PARD3B: variants seen among roughly 807,000 people sequenced by gnomAD.
PARD3B encodes partitioning defective 3 homolog B.
PARD3B carries 103 observed loss-of-function variants against 130.2 expected under a neutral mutation model. The ratio of observed to expected loss-of-function variants is 0.79; its 90% confidence interval spans 0.67 to 0.93. The LOEUF (loss-of-function observed/expected upper bound fraction) is 0.93, where lower values mean the gene tolerates loss of function less well. Among genes scored for constraint, PARD3B ranks in the 40% least tolerant of loss-of-function variants. The pLI is 0.00. For missense variants in PARD3B, 1,609 were observed against 1,499.2 expected, an observed-to-expected ratio of 1.07 and a Z score of -1.21; for synonymous variants, 583 against 553.2, an observed-to-expected ratio of 1.05 and a Z score of -0.76.
rs181476960 is a variant in PARD3B at position 205,598,975 on chromosome 2, A to C, written c.3261-16481A>C. On this transcript the variant is annotated intron_variant, in intron 22 of 22. Transcript: ENST00000406610. ...GAGATAAAGCTAAAGCAGTGTTAAGAGGAAAGTTTGTAGCACTAAATGCCT... is the reference window on the plus strand; with the variant it reads ...GAGATAAAGCTAAAGCAGTGTTAAGCGGAAAGTTTGTAGCACTAAATGCCT... Among the ~76,000 whole-genome samples, 446 of 152,352 alleles carry C rather than the reference A, an allele frequency of 2.9e-3. 2 individuals carry two copies. Among genetic ancestry groups the C allele is most frequent in the Non-Finnish European group, 4.8e-3 (327 of 68,030 alleles).
At chr2:204,999,117 T>G (rs955127397) in intron 3 of PARD3B, among the ~76,000 whole-genome samples, 4 of 151,966 alleles carry the variant, frequency 2.6e-5, no homozygotes, top group Non-Finnish European at 4.4e-5. Flanking sequence ...TTTTTTTTTT[T>G]GCCAATATTT....
intron 2 of PARD3B, among the ~76,000 whole-genome samples, chr2:204,957,378 T>G (rs1187970420): frequency 6.6e-6 from 1 of 152,192 alleles, no homozygotes; most frequent in Non-Finnish European, 1.5e-5. Flanking sequence ...GGGTTTTCAG[T>G]ACAGTTGAAT....
At chr2:205,052,069 C>A (rs1357447638) in intron 4 of PARD3B, among the ~76,000 whole-genome samples, 1 of 151,962 alleles carries the variant, frequency 6.6e-6, no homozygotes, top group Non-Finnish European at 1.5e-5. Context: ...TTGATTGTAA[C>A]CTGGTGTTCT....
Position 205,341,327 on chromosome 2 carries a change from T to C in PARD3B, c.2630+39626T>C, listed in dbSNP as rs902810588. On this transcript the variant is annotated intron_variant, in intron 18 of 22. Coordinates refer to ENST00000406610, the MANE Select transcript of PARD3B (RefSeq NM_001302769.2). This position sits in a 1 kb window ranked among gnomAD's most constrained non-coding sequence, Gnocchi z 4.3. ...GCATCACTGTTCACAATAGCTAAGATATGGAATCAACCAAAATGTCCATTA... is the reference window on the plus strand; with the variant it reads ...GCATCACTGTTCACAATAGCTAAGACATGGAATCAACCAAAATGTCCATTA... Among the ~76,000 whole-genome samples, 1 of 152,042 alleles carries C rather than the reference T, an allele frequency of 6.6e-6. No individual in the cohort carries two copies. Among genetic ancestry groups the C allele is most frequent in the African/African-American group, 2.4e-5 (1 of 41,418 alleles).
At chr2:204,901,166 CT>C (rs1553552056) in intron 2 of PARD3B, among the ~76,000 whole-genome samples, 8 of 152,118 alleles carry the variant, frequency 5.3e-5, no homozygotes, top group Non-Finnish European at 1.0e-4. Flanking sequence ...GCCAGCCAGG[CT>C]TGTGTCCTTC....
At chr2:205,174,244 G>A (rs2035340754) in intron 12 of PARD3B, among the ~76,000 whole-genome samples, 1 of 152,092 alleles carries the variant, frequency 6.6e-6, no homozygotes, top group Admixed American at 6.6e-5. Context: ...TTTGTTGCCC[G>A]CCATCAGAAG....
chr2:204,582,406 G>C (rs1234865104), intron 1 of PARD3B, among the ~76,000 whole-genome samples: 1 of 152,280 alleles, frequency 6.6e-6, no homozygotes, highest in Middle Eastern at 3.4e-3. Flanking sequence ...CTTAAGGAAA[G>C]ATAAAAGTTT....
chr2:204,645,755 A>G (rs1373277899), intron 1 of PARD3B, among the ~76,000 whole-genome samples: 1 of 152,188 alleles, frequency 6.6e-6, no homozygotes, highest in Non-Finnish European at 1.5e-5. Context: ...CACTAGAGCC[A>G]AATGCATCTC....
chr2:204,651,382 A>G lies in PARD3B; in HGVS notation c.121-34799A>G, dbSNP rs535304372. ...GGGCTGTTGGCCCCATGCAAGTCCA[A>G]AACCCAGCAGGGCACTCATTATATC... On this transcript the variant is annotated intron_variant, in intron 1 of 22. Transcript: ENST00000406610. 2.0e-5 allele frequency among the ~76,000 whole-genome samples: 3 copies of G among 152,356 alleles called. 1 individual carries two copies. The highest frequency in any genetic ancestry group is 1.9e-4 in the East Asian group (1 of 5,176).
At chr2:204,662,936 C>T (rs140195274) in intron 1 of PARD3B, among the ~76,000 whole-genome samples, 1 of 152,260 alleles carries the variant, frequency 6.6e-6, no homozygotes, top group Non-Finnish European at 1.5e-5. Context: ...TGTTCTATTA[C>T]ATATTTTCCA....
At chr2:204,998,460 T>TATATATGTATATATATGTGTATATA (rs746493283) in intron 3 of PARD3B, among the ~76,000 whole-genome samples, 45,980 of 77,622 alleles carry the variant, frequency 0.59, 13,976 homozygotes, top group East Asian at 0.85. Context: ...ATGTGTATAT[T>TATATATGTATATATATGTGTATATA]ATATATGTAT....
intron 19 of PARD3B, among the ~76,000 whole-genome samples, chr2:205,403,844 C>T (rs77175943): frequency 6.6e-6 from 1 of 152,088 alleles, no homozygotes; most frequent in African/African-American, 2.4e-5. Context: ...GACTGAGTGG[C>T]CCAGTCTACA....
At chr2:205,406,172 A>T (rs1262502078) in intron 19 of PARD3B, among the ~76,000 whole-genome samples, 1 of 152,190 alleles carries the variant, frequency 6.6e-6, no homozygotes, top group Non-Finnish European at 1.5e-5. Context: ...TCACATAGAG[A>T]TTAGATCGGT....
intron 22 of PARD3B, among the ~76,000 whole-genome samples, chr2:205,614,211 G>C (rs980181483): frequency 6.6e-6 from 1 of 152,202 alleles, no homozygotes; most frequent in African/African-American, 2.4e-5. Flanking sequence ...ATGGCAAACG[G>C]ATCAGAAGAT....
intron 18 of PARD3B, among the ~76,000 whole-genome samples, chr2:205,332,191 A>G (rs564652281): frequency 6.6e-6 from 1 of 152,194 alleles, no homozygotes; most frequent in African/African-American, 2.4e-5. Flanking sequence ...TCAGTCTCCA[A>G]CTTTGCTTGC....
intron 21 of PARD3B, among the ~76,000 whole-genome samples, chr2:205,511,724 G>GGAGT (rs1241481878): frequency 6.6e-6 from 1 of 152,156 alleles, no homozygotes; most frequent in Non-Finnish European, 1.5e-5. Flanking sequence ...GAAGATGTCT[G>GGAGT]GAGTCGAAGA....
intron 10 of PARD3B, among the ~76,000 whole-genome samples, chr2:205,132,655 T>G (rs2032110810): frequency 6.6e-6 from 1 of 152,216 alleles, no homozygotes; most frequent in South Asian, 2.1e-4. Flanking sequence ...CCAATAGACC[T>G]TAAGAACTAT....
chr2:205,360,137 G>GA (rs2044335671), intron 18 of PARD3B, among the ~76,000 whole-genome samples: 1 of 152,070 alleles, frequency 6.6e-6, no homozygotes, highest in Non-Finnish European at 1.5e-5. Context: ...GTTTTTACAT[G>GA]AATTTCTCTC....
intron 1 of PARD3B, among the ~76,000 whole-genome samples, chr2:204,670,099 G>A (rs2036227868): frequency 6.6e-6 from 1 of 152,082 alleles, no homozygotes; most frequent in Non-Finnish European, 1.5e-5. Flanking sequence ...TAAAAGAGTT[G>A]CCTCTGGAGA....
Sources: gnomAD v4.1 joint callset for allele counts (sites outside exome capture counted in the v4.1 genomes callset) on GRCh38, gnomAD v4.1.1 for gene constraint, Gnocchi (gnomAD v3.1) non-coding constraint, MANE v1.5 for transcripts, NCBI Gene and HGNC (gene_info 2026-07-23, HGNC 2026-07-21) for gene names.